PPARG: variants seen among roughly 807,000 people sequenced by gnomAD.
PPARG encodes the protein peroxisome proliferator-activated receptor gamma.
In PPARG, 17 loss-of-function variants were observed where a neutral mutation model predicts 39.2. That is an observed-to-expected ratio of 0.43 (90% CI 0.30 to 0.65). The LOEUF (loss-of-function observed/expected upper bound fraction) is 0.65. Ranked by LOEUF, PPARG falls within the 30% of genes least tolerant of loss-of-function variation. PPARG has a pLI of 0.13. For synonymous variants in PPARG, 223 were observed against 215.7 expected, an observed-to-expected ratio of 1.03 and a Z score of -0.30; for missense variants, 406 against 585.9, an observed-to-expected ratio of 0.69 and a Z score of 3.17.
At chr3:12,391,586 G>C (rs2050078417) in intron 4 of PPARG, among the ~76,000 whole-genome samples, 1 of 152,192 alleles carries the variant, frequency 6.6e-6, no homozygotes, top group South Asian at 2.1e-4. Context: ...GATGGAGAAA[G>C]CCGCAAGTGA....
At chr3:12,408,942 A>G (rs1303447858) in intron 6 of PPARG, among the ~76,000 whole-genome samples, 8 of 152,166 alleles carry the variant, frequency 5.3e-5, no homozygotes, top group African/African-American at 1.9e-4. Context: ...ACCTCACTCC[A>G]GTTGACTCCT....
intron 5 of PPARG, among the ~76,000 whole-genome samples, chr3:12,397,378 TTTATTATTATTATTATTATTATTA>T (rs200520715): frequency 7.6e-5 from 10 of 132,116 alleles, no homozygotes; most frequent in East Asian, 2.2e-4. Flanking sequence ...CCTATTCCTT[TTTATTATTATTATTATTATTATTA>T]TTATTATTAT....
chr3:12,391,889 CACGTCCAGT>C (rs1341252565), intron 4 of PPARG, among the ~76,000 whole-genome samples: 1 of 152,092 alleles, frequency 6.6e-6, no homozygotes, highest in Non-Finnish European at 1.5e-5. Context: ...AGTCAGAAAA[CACGTCCAGT>C]TCGATTTTTT....
At chr3:12,315,402 T>G (rs2047362267) in intron 2 of PPARG, among the ~76,000 whole-genome samples, 1 of 152,194 alleles carries the variant, frequency 6.6e-6, no homozygotes, top group Non-Finnish European at 1.5e-5. Flanking sequence ...CACTGATAAT[T>G]GTGCTGGGAC....
intron 2 of PPARG, among the ~76,000 whole-genome samples, chr3:12,355,958 A>G (rs1288879846): frequency 6.6e-6 from 1 of 152,216 alleles, no homozygotes; most frequent in Non-Finnish European, 1.5e-5. Context: ...AAAATTTCTA[A>G]AATCTTCATA....
intron 2 of PPARG, among the ~76,000 whole-genome samples, chr3:12,358,834 A>G (rs1442592153): frequency 6.6e-6 from 1 of 152,218 alleles, no homozygotes; most frequent in African/African-American, 2.4e-5. Context: ...GGTATATGCC[A>G]TATACAAAAT....
intron 7 of PPARG, among the ~76,000 whole-genome samples, chr3:12,419,546 G>C (rs1042235039): frequency 1.3e-5 from 2 of 151,512 alleles, no homozygotes; most frequent in Non-Finnish European, 2.9e-5. Context: ...CACTACAACC[G>C]GGTTTTCCGC....
At chr3:12,289,223 T>C (rs1574929043) in intron 1 of PPARG, 89 bp downstream of exon 1, 4 of 146,166 alleles carry the variant, frequency 2.7e-5, no homozygotes, top group South Asian at 4.7e-4. Flanking sequence ...CCTTATATCA[T>C]TTTTTTTTGC....
intron 1 of PPARG, among the ~76,000 whole-genome samples, chr3:12,307,672 C>T (rs1188224313): frequency 6.6e-6 from 1 of 151,986 alleles, no homozygotes; most frequent in Non-Finnish European, 1.5e-5. Flanking sequence ...CTTTGGAGAG[C>T]ATGGTGTGTG....
intron 5 of PPARG, among the ~76,000 whole-genome samples, chr3:12,396,309 A>G (rs1268852984): frequency 6.6e-6 from 1 of 151,980 alleles, no homozygotes; most frequent in Non-Finnish European, 1.5e-5. Flanking sequence ...TTTAGTAAAG[A>G]TGGGGCTTCA....
At chr3:12,361,319 G>C (rs2048840009) in intron 2 of PPARG, among the ~76,000 whole-genome samples, 2 of 152,044 alleles carry the variant, frequency 1.3e-5, no homozygotes, top group Non-Finnish European at 2.9e-5. Flanking sequence ...CTTACTCTGT[G>C]TGCTTTTTCG....
chr3:12,370,142 C>G (rs906553974), intron 2 of PPARG, among the ~76,000 whole-genome samples: 3 of 152,040 alleles, frequency 2.0e-5, no homozygotes, highest in African/African-American at 7.3e-5. Context: ...TACTCTCATA[C>G]TTGATGGACG....
chr3:12,434,339 A>T lies in PPARG; in HGVS notation c.*194A>T, dbSNP rs1677137603. 1.3e-6 allele frequency: 1 copy of T among 750,378 alleles called. No individual in the cohort carries two copies. The allele number at this position is 750,378 out of a possible 1,614,324, so 46.5% of individuals were successfully genotyped here. A position where few individuals can be genotyped will look rare whatever the true frequency, so the allele number is the denominator to read the frequency against. Reference sequence around the variant, plus strand: ...TTTTAATATTAAAAATTACCATATTATGAAATTGCTGATAGTATTTGAAGA... The same window carrying T: ...TTTTAATATTAAAAATTACCATATTTTGAAATTGCTGATAGTATTTGAAGA... On this transcript the variant is annotated 3_prime_UTR_variant, in exon 8 of 8. Coordinates refer to ENST00000651735, the MANE Select transcript of PPARG (RefSeq NM_138711.6). The surrounding 1 kb of genome is among the most constrained non-coding windows in gnomAD (Gnocchi z 4.2).
At chr3:12,318,435 T>A (rs2047447758) in intron 2 of PPARG, among the ~76,000 whole-genome samples, 2 of 152,188 alleles carry the variant, frequency 1.3e-5, no homozygotes, top group Non-Finnish European at 1.5e-5. Flanking sequence ...TAGAGATAAG[T>A]TCAAATCAGT....
intron 2 of PPARG, among the ~76,000 whole-genome samples, chr3:12,329,886 T>C (rs1182167431): frequency 6.6e-6 from 1 of 152,210 alleles, no homozygotes; most frequent in Non-Finnish European, 1.5e-5. Flanking sequence ...TGGACTCATA[T>C]AATATTTGTC....
intron 1 of PPARG, among the ~76,000 whole-genome samples, chr3:12,296,874 G>C (rs2046800703): frequency 6.6e-6 from 1 of 152,190 alleles, no homozygotes; most frequent in South Asian, 2.1e-4. Flanking sequence ...CTCAATTCCA[G>C]TTTAATAATA....
chr3:12,424,431 G>A (rs2051366474), intron 7 of PPARG, among the ~76,000 whole-genome samples: 1 of 152,180 alleles, frequency 6.6e-6, no homozygotes, highest in Non-Finnish European at 1.5e-5. Context: ...GGGGTCGAAT[G>A]CTGAGTCATT....
intron 4 of PPARG, among the ~76,000 whole-genome samples, chr3:12,381,937 T>C (rs1456145824): frequency 1.3e-5 from 2 of 152,204 alleles, no homozygotes; most frequent in Non-Finnish European, 2.9e-5. Context: ...TATTTATTTA[T>C]TTATTTTGCT....
Position 12,416,699 on chromosome 3 carries a change from T to C in PPARG, c.730-5T>C. The stretch of plus-strand genomic sequence containing the variant: ...TCATCCACGTTTTCCCTGTTTTATT[T>C]GCAGCCATTCGTTATCTATGACATG... On this transcript the variant is annotated splice_region_variant and splice_polypyrimidine_tract_variant and intron_variant, in intron 6 of 7. Coordinates refer to ENST00000651735, the MANE Select transcript of PPARG (RefSeq NM_138711.6). The C allele has an allele frequency of 6.2e-7, 1 of 1,612,796 alleles. No homozygotes were observed. The highest frequency in any genetic ancestry group is 8.5e-7 in the Non-Finnish European group (1 of 1,179,152).
Sources: allele counts gnomAD v4.1 joint callset (sites outside exome capture counted in the v4.1 genomes callset), GRCh38; gene constraint gnomAD v4.1.1; non-coding constraint Gnocchi (gnomAD v3.1); transcripts MANE v1.5; gene names NCBI Gene and HGNC (gene_info 2026-07-23, HGNC 2026-07-21).